The following FTCDNL1 variants were observed in gnomAD, a reference collection of about 807,000 sequenced individuals.
The protein encoded by FTCDNL1 is formiminotransferase N-terminal subdomain-containing protein.
Under a neutral mutation model 5.9 loss-of-function variants are expected in FTCDNL1, and 11 were observed. The observed-to-expected ratio is 1.87, with a 90% CI of 1.18 to 3.10. The LOEUF (loss-of-function observed/expected upper bound fraction) is 3.10. Among genes scored for constraint, FTCDNL1 ranks in the 30% most tolerant of loss-of-function variants. The pLI is 0.00. For missense variants in FTCDNL1, 115 were observed against 65.5 expected, an observed-to-expected ratio of 1.76 and a Z score of -2.61; for synonymous variants, 58 against 24.8, an observed-to-expected ratio of 2.34 and a Z score of -3.99.
chr2:199,688,434 A>G, the FTCDNL1 span, among the ~76,000 whole-genome samples: 2 of 152,012 alleles, frequency 1.3e-5, no homozygotes, highest in South Asian at 4.2e-4. Flanking sequence ...CAAGTCTAGG[A>G]ATCTGGTGCC....
intron 3 of FTCDNL1, among the ~76,000 whole-genome samples, chr2:199,770,434 A>G (rs1396317745): frequency 1.3e-5 from 2 of 152,170 alleles, no homozygotes; most frequent in African/African-American, 4.8e-5. Flanking sequence ...AAGCCAGAAT[A>G]TTTTTATTAC....
At chr2:199,712,764 C>G in the FTCDNL1 span, among the ~76,000 whole-genome samples, 4 of 152,214 alleles carry the variant, frequency 2.6e-5, no homozygotes, top group Non-Finnish European at 5.9e-5. Flanking sequence ...CTGTGTCACT[C>G]CAACCCCTGC....
At chr2:199,835,940 C>T (rs758888191) in intron 3 of FTCDNL1, among the ~76,000 whole-genome samples, 2 of 152,148 alleles carry the variant, frequency 1.3e-5, no homozygotes, top group Non-Finnish European at 2.9e-5. Flanking sequence ...CACAATGACT[C>T]CTGGTTTAAC....
At chr2:199,769,478 G>GCC (rs1249268708) in intron 3 of FTCDNL1, among the ~76,000 whole-genome samples, 2 of 121,100 alleles carry the variant, frequency 1.7e-5, no homozygotes, top group Admixed American at 7.4e-5. Flanking sequence ...ATGATTTTGA[G>GCC]GCCCCCCCAG....
At chr2:199,765,535 TATATATA>T (rs1559169009) in intron 3 of FTCDNL1, among the ~76,000 whole-genome samples, 6 of 77,858 alleles carry the variant, frequency 7.7e-5, no homozygotes, top group African/African-American at 2.2e-4. Context: ...GTCTTCATTA[TATATATA>T]TATATATATA....
the FTCDNL1 span, among the ~76,000 whole-genome samples, chr2:199,692,990 G>C: frequency 1.3e-5 from 2 of 152,196 alleles, no homozygotes; most frequent in African/African-American, 4.8e-5. Flanking sequence ...ATCCTCAGTA[G>C]CTGGAGGTTT....
chr2:199,770,731 G>A (rs749080012), intron 3 of FTCDNL1, among the ~76,000 whole-genome samples: 45 of 152,148 alleles, frequency 3.0e-4, no homozygotes, highest in Non-Finnish European at 5.1e-4. Context: ...CTTTACTTCA[G>A]TATTCTCAGA....
the FTCDNL1 span, among the ~76,000 whole-genome samples, chr2:199,729,017 C>T: frequency 2.7e-4 from 41 of 152,174 alleles, no homozygotes; most frequent in East Asian, 5.6e-3. Flanking sequence ...AAATATGGGT[C>T]GACTATACAA....
At chr2:199,790,416 T>C (rs1196955662) in intron 3 of FTCDNL1, among the ~76,000 whole-genome samples, 1 of 151,200 alleles carries the variant, frequency 6.6e-6, no homozygotes. Flanking sequence ...GAGAATCACT[T>C]GAACCTGGGA....
intron 3 of FTCDNL1, chr2:199,844,253 G>C (rs2076670422): frequency 2.4e-6 from 1 of 412,202 alleles, no homozygotes; most frequent in Non-Finnish European, 4.3e-6. Context: ...ACAGTGTATT[G>C]TTGATACAGT....
At chr2:199,731,660 G>C in the FTCDNL1 span, among the ~76,000 whole-genome samples, 6 of 152,146 alleles carry the variant, frequency 3.9e-5, no homozygotes, top group Non-Finnish European at 8.8e-5. Flanking sequence ...AGGCCGAGGC[G>C]GGCGGATCAC....
chr2:199,678,063 G>A, the FTCDNL1 span, among the ~76,000 whole-genome samples: 354 of 152,210 alleles, frequency 2.3e-3, 11 homozygotes, highest in East Asian at 0.056. Context: ...CCATTGAATC[G>A]AGGACAAACA....
chr2:199,684,234 T>C, the FTCDNL1 span, among the ~76,000 whole-genome samples: 1 of 152,202 alleles, frequency 6.6e-6, no homozygotes, highest in African/African-American at 2.4e-5. Flanking sequence ...AGCACCCAGT[T>C]TTCAAAAGAA....
intron 4 of FTCDNL1, among the ~76,000 whole-genome samples, chr2:199,817,092 T>C (rs1701395105): frequency 1.3e-5 from 2 of 152,252 alleles, no homozygotes; most frequent in African/African-American, 2.4e-5. Context: ...GAGTATGCCA[T>C]AGTTTACATA....
intron 4 of FTCDNL1, among the ~76,000 whole-genome samples, chr2:199,817,014 CT>C (rs1701388094): frequency 2.0e-5 from 3 of 152,194 alleles, no homozygotes; most frequent in Admixed American, 2.0e-4. Flanking sequence ...ACTAATTTAA[CT>C]GTAAATTCTC....
intron 3 of FTCDNL1, among the ~76,000 whole-genome samples, chr2:199,773,711 T>G (rs1037146062): frequency 6.6e-6 from 1 of 152,222 alleles, no homozygotes; most frequent in African/African-American, 2.4e-5. Flanking sequence ...TGACTGTCCA[T>G]CTATCTTGCT....
intron 3 of FTCDNL1, among the ~76,000 whole-genome samples, chr2:199,774,161 C>T (rs957572383): frequency 6.6e-6 from 1 of 152,176 alleles, no homozygotes; most frequent in Non-Finnish European, 1.5e-5. Flanking sequence ...TGGGTCATAA[C>T]CTTCTCCAGT....
At chr2:199,813,912 C>CAAAAA (rs397987315) in intron 4 of FTCDNL1, among the ~76,000 whole-genome samples, 419 of 106,322 alleles carry the variant, frequency 3.9e-3, no homozygotes, top group Middle Eastern at 9.7e-3. Context: ...GACTCTGTCT[C>CAAAAA]AAAAAAAAAA....
the FTCDNL1 span, among the ~76,000 whole-genome samples, chr2:199,731,820 G>A: frequency 2.0e-5 from 3 of 151,356 alleles, no homozygotes; most frequent in East Asian, 3.9e-4. Flanking sequence ...CCCGGGAGGC[G>A]GAGCTTGCAG....
Sources: allele counts gnomAD v4.1 joint callset (sites outside exome capture counted in the v4.1 genomes callset), GRCh38; gene constraint gnomAD v4.1.1; transcripts MANE v1.5; gene names NCBI Gene and HGNC (gene_info 2026-07-23, HGNC 2026-07-21).